The following HLA-DOB variants were observed in gnomAD, a reference collection of about 807,000 sequenced individuals.
HLA-DOB encodes HLA class II histocompatibility antigen, DO beta chain.
A neutral mutation model predicts 27.7 loss-of-function variants in HLA-DOB; 25 were observed. The ratio of observed to expected loss-of-function variants is 0.90; its 90% CI spans 0.66 to 1.26. The LOEUF (loss-of-function observed/expected upper bound fraction) is 1.26. Among genes scored for constraint, HLA-DOB ranks in the 50% most tolerant of loss-of-function variants. HLA-DOB has a pLI of 0.00. For synonymous variants in HLA-DOB, 137 were observed against 125.6 expected, an observed-to-expected ratio of 1.09 and a Z score of -0.61; for missense variants, 306 against 324.9, an observed-to-expected ratio of 0.94 and a Z score of 0.45.
In HLA-DOB at chr6:32,815,268, C is replaced by T. The variant is rs762558634; in HGVS notation, c.137G>A (p.Gly46Glu). The change falls in exon 2 of 6, where the codon GGG becomes GAG. Residue 46 changes from glycine to glutamate, a missense_variant. Transcript: ENST00000438763. ...QAKADCYFTN[G>E]TEKVQFVVRF... The stretch of plus-strand genomic sequence containing the variant: ...GACCACAAACTGCACCTTTTCTGTC[C>T]CGTTGGTGAAGTAACAGTCAGCCTT... The T allele has an allele frequency of 1.2e-6, 2 of 1,614,106 alleles. No homozygotes were observed. The highest frequency in any genetic ancestry group is 2.7e-5 in the African/African-American group (2 of 74,938).
chr6:32,815,363 C>A, intron 1 of HLA-DOB, 50 bp from the exon 2 acceptor site: 1 of 1,605,784 alleles, frequency 6.2e-7, no homozygotes, highest in Non-Finnish European at 8.5e-7. Context: ...TCTGGGAAAA[C>A]CCATGCCTGG....
intron 1 of HLA-DOB, 51 bp downstream of exon 1, chr6:32,816,810 C>A: frequency 7.0e-7 from 1 of 1,422,014 alleles, no homozygotes; most frequent in South Asian, 1.2e-5. Flanking sequence ...ATCACTCCCC[C>A]ATGCCAATTC....
chr6:32,816,786 T>G, intron 1 of HLA-DOB, 75 bp downstream of exon 1: 1 of 1,221,904 alleles, frequency 8.2e-7, no homozygotes, highest in Non-Finnish European at 1.2e-6. Context: ...TGGCCTGGAC[T>G]TACAAAGAAA....
intron 3 of HLA-DOB, 170 bp from the exon 4 acceptor site, chr6:32,814,003 A>T: frequency 1.6e-6 from 1 of 617,452 alleles, no homozygotes; most frequent in Middle Eastern, 4.4e-4. Flanking sequence ...GTTACCCCCC[A>T]TCGGTTACAG....
intron 1 of HLA-DOB, among the ~76,000 whole-genome samples, chr6:32,815,810 A>G (rs1767997141): frequency 6.6e-6 from 1 of 152,234 alleles, no homozygotes; most frequent in Admixed American, 6.5e-5. Context: ...AAGACTTGAA[A>G]GATAATTGCT....
chr6:32,814,968 G>T, intron 2 of HLA-DOB, 76 bp downstream of exon 2: 1 of 1,518,600 alleles, frequency 6.6e-7, no homozygotes, highest in Non-Finnish European at 9.0e-7. Context: ...AAAATTGCTT[G>T]TAAGAAAGAA....
At chr6:32,814,667 A>C in intron 2 of HLA-DOB, 66 bp from the exon 3 acceptor site, 1 of 1,378,552 alleles carries the variant, frequency 7.3e-7, no homozygotes, top group East Asian at 2.3e-5. Context: ...GAGATTCTTT[A>C]GGGACTATCA....
rs117291960 is a variant in HLA-DOB at position 32,814,821 on chromosome 6, T to C, written c.362-220A>G. On this transcript the variant is annotated intron_variant, in intron 2 of 5. Coordinates refer to ENST00000438763, the MANE Select transcript of HLA-DOB (RefSeq NM_002120.4). Reference sequence around the variant, plus strand: ...GTACTCCCACAATTACTGCTTCTCTTTGAGGGCACAATAGCCCTCGAAGTC... The same window carrying C: ...GTACTCCCACAATTACTGCTTCTCTCTGAGGGCACAATAGCCCTCGAAGTC... Among the ~76,000 whole-genome samples the C allele has an allele frequency of 1.3e-4, 20 of 152,302 alleles. No homozygotes were observed. The East Asian group carries it at 3.9e-3, about 29-fold the overall frequency.
chr6:32,815,285 G>C lies in HLA-DOB; in HGVS notation c.120C>G (p.Asp40Glu). ...PEDFVIQAKA[D>E]CYFTNGTEKV... ...TTTCTGTCCCGTTGGTGAAGTAACA[G>C]TCAGCCTTTGCCTGAATCACAAAAT... Residue 40 changes from aspartate (D) to glutamate (E), a missense_variant, in exon 2 of 6, where the codon GAC (aspartate) becomes GAG (glutamate). Asp to Glu is a conservative substitution (Grantham distance 45). Transcript: ENST00000438763. The C allele has an allele frequency of 6.2e-7, 1 of 1,614,202 alleles. No homozygotes were observed. Among genetic ancestry groups the C allele is most frequent in the Non-Finnish European group, 8.5e-7 (1 of 1,180,032 alleles).
intron 3 of HLA-DOB, chr6:32,814,107 T>C (rs2127324114): frequency 3.3e-6 from 2 of 609,196 alleles, no homozygotes; most frequent in South Asian, 4.1e-5. Context: ...ATGAGGTGAT[T>C]AGATCTCCTC....
chr6:32,813,893 G>T, intron 3 of HLA-DOB, 60 bp from the exon 4 acceptor site: 1 of 992,454 alleles, frequency 1.0e-6, no homozygotes. Context: ...CACTTTCTTG[G>T]AATCCCAGAA....
chr6:32,814,293 C>T, intron 3 of HLA-DOB, 27 bp downstream of exon 3: 1 of 1,608,326 alleles, frequency 6.2e-7, no homozygotes, highest in Non-Finnish European at 8.5e-7. Context: ...GAGTCAGGCC[C>T]AGAGAGTACT....
Sources: allele counts gnomAD v4.1 joint callset (sites outside exome capture counted in the v4.1 genomes callset), GRCh38; gene constraint gnomAD v4.1.1; transcripts MANE v1.5; gene names NCBI Gene and HGNC (gene_info 2026-07-23, HGNC 2026-07-21).